The following RALGAPA2 variants were observed in gnomAD, a reference collection of about 807,000 sequenced individuals.
The protein encoded by RALGAPA2 is Ral GTPase activating protein catalytic subunit alpha 2, also known as ral GTPase-activating protein subunit alpha-2.
In RALGAPA2, 139 loss-of-function variants were observed where a neutral mutation model predicts 230.4. The ratio of observed to expected loss-of-function variants is 0.60; its 90% CI spans 0.53 to 0.69. RALGAPA2 has a LOEUF of 0.69. Ranked by LOEUF, RALGAPA2 falls within the 30% of genes least tolerant of loss-of-function variation. The pLI is 0.00. For synonymous variants in RALGAPA2, 847 were observed against 837.8 expected, an observed-to-expected ratio of 1.01 and a Z score of -0.19; for missense variants, 2,163 against 2,276.0, an observed-to-expected ratio of 0.95 and a Z score of 1.01.
At chr20:20,636,539 CGTGTGTGTGTGTGTGTGTATGTGTGT>C (rs1568683049) in intron 8 of RALGAPA2, among the ~76,000 whole-genome samples, 3 of 149,888 alleles carry the variant, frequency 2.0e-5, no homozygotes, top group African/African-American at 4.9e-5. Context: ...CTTCTCTCCC[CGTGTGTGTGTGTGTGTGTATGTGTGT>C]GTGTGTGTGT....
Position 20,635,547 on chromosome 20 carries a change from T to G in RALGAPA2, c.876A>C (p.Thr292=). The change falls in exon 9 of 40, where the codon ACA becomes ACC. Residue 292 remains threonine, a synonymous_variant. Coordinates refer to ENST00000202677, the MANE Select transcript of RALGAPA2 (RefSeq NM_020343.4). Reference sequence around the variant, plus strand: ...CACGAGCTGCCATATATGGAATCTTTGTACTGTAAATGTTCTCATTGTCTC... The same window carrying G: ...CACGAGCTGCCATATATGGAATCTTGGTACTGTAAATGTTCTCATTGTCTC... ...TTRDNENIYS[T]KIPYMAARVV... 6.3e-7 allele frequency: 1 copy of G among 1,593,580 alleles called. No individual in the cohort carries two copies.
At chr20:20,549,652 A>G (rs2063869552) in intron 23 of RALGAPA2, among the ~76,000 whole-genome samples, 1 of 152,196 alleles carries the variant, frequency 6.6e-6, no homozygotes, top group African/African-American at 2.4e-5. Flanking sequence ...TTGTGATAAC[A>G]TTTTAAAATT....
chr20:20,554,310 G>A (rs565441737), intron 23 of RALGAPA2, among the ~76,000 whole-genome samples: 5 of 152,216 alleles, frequency 3.3e-5, no homozygotes, highest in South Asian at 2.1e-4. Flanking sequence ...GTTCATCCAC[G>A]TTGTGGCACA....
At chr20:20,547,750 C>A (rs184984790) in intron 23 of RALGAPA2, among the ~76,000 whole-genome samples, 1 of 152,164 alleles carries the variant, frequency 6.6e-6, no homozygotes, top group Non-Finnish European at 1.5e-5. Context: ...GAAGTACAGT[C>A]GTGTCGCTTT....
At chr20:20,561,780 A>G (rs2064263695) in intron 23 of RALGAPA2, among the ~76,000 whole-genome samples, 1 of 152,164 alleles carries the variant, frequency 6.6e-6, no homozygotes, top group African/African-American at 2.4e-5. Context: ...TTCTTAGGAC[A>G]ATGTCATCTG....
chr20:20,525,784 C>T (rs1021199226), intron 28 of RALGAPA2, among the ~76,000 whole-genome samples: 2 of 152,134 alleles, frequency 1.3e-5, no homozygotes, highest in Non-Finnish European at 2.9e-5. Flanking sequence ...TACCAGTTAC[C>T]CCCACAAAGG....
chr20:20,675,011 A>C (rs563762291), intron 3 of RALGAPA2, among the ~76,000 whole-genome samples: 6 of 152,292 alleles, frequency 3.9e-5, no homozygotes, highest in African/African-American at 1.4e-4. Context: ...TAGATTCTTT[A>C]ACCATTACAT....
intron 18 of RALGAPA2, among the ~76,000 whole-genome samples, chr20:20,586,648 C>T (rs2065142482): frequency 1.3e-5 from 2 of 151,984 alleles, no homozygotes; most frequent in African/African-American, 2.4e-5. Context: ...TTAGAAATTA[C>T]AAGATATGCT....
intron 36 of RALGAPA2, among the ~76,000 whole-genome samples, chr20:20,490,958 C>T (rs147800705): frequency 0.019 from 2,879 of 151,714 alleles, 28 homozygotes; most frequent in Non-Finnish European, 0.029. Flanking sequence ...ACTTCCATGA[C>T]GCTCTGGGGA....
At chr20:20,428,622 G>A (rs1351286345) in intron 37 of RALGAPA2, among the ~76,000 whole-genome samples, 2 of 152,136 alleles carry the variant, frequency 1.3e-5, no homozygotes, top group Admixed American at 6.5e-5. Context: ...CAGGAGGCTG[G>A]ACATGATCCC....
chr20:20,612,838 C>A (rs923650364), intron 13 of RALGAPA2, among the ~76,000 whole-genome samples: 1 of 152,152 alleles, frequency 6.6e-6, no homozygotes, highest in Non-Finnish European at 1.5e-5. Context: ...AAGGGCAGCA[C>A]CTAGTATCAC....
chr20:20,458,412 TTATA>T (rs2123236016), intron 37 of RALGAPA2, among the ~76,000 whole-genome samples: 1 of 143,506 alleles, frequency 7.0e-6, no homozygotes, highest in South Asian at 2.1e-4. Flanking sequence ...ATAATATATG[TTATA>T]TATAATATAT....
chr20:20,633,712 T>G (rs2066764301), intron 9 of RALGAPA2, among the ~76,000 whole-genome samples: 1 of 150,984 alleles, frequency 6.6e-6, no homozygotes, highest in South Asian at 2.1e-4. Flanking sequence ...TCTCCTGACC[T>G]CATGATCTGC....
chr20:20,483,236 A>G (rs1389120734), intron 36 of RALGAPA2, among the ~76,000 whole-genome samples: 1 of 152,240 alleles, frequency 6.6e-6, no homozygotes. Context: ...AGAATGATGG[A>G]AAGAAAGGGC....
intron 13 of RALGAPA2, 78 bp from the exon 14 acceptor site, chr20:20,611,504 C>A: frequency 6.6e-7 from 1 of 1,512,942 alleles, no homozygotes; most frequent in Non-Finnish European, 8.9e-7. Flanking sequence ...CAGAAATTCT[C>A]TTAAGAATTC....
chr20:20,683,878 G>A (rs979259502), intron 1 of RALGAPA2, among the ~76,000 whole-genome samples: 8 of 152,198 alleles, frequency 5.3e-5, no homozygotes, highest in South Asian at 2.1e-4. Flanking sequence ...TAATGACTAC[G>A]CCTCTATAAT....
At chr20:20,672,324 G>A (rs941535125) in intron 3 of RALGAPA2, among the ~76,000 whole-genome samples, 7 of 152,256 alleles carry the variant, frequency 4.6e-5, no homozygotes, top group African/African-American at 7.2e-5. Flanking sequence ...TGAATGAGAG[G>A]CAGCTGAAAT....
At chr20:20,472,749 T>A (rs1180242972) in intron 37 of RALGAPA2, 80 bp downstream of exon 37, 2 of 1,493,474 alleles carry the variant, frequency 1.3e-6, no homozygotes, top group Admixed American at 2.4e-5. Context: ...CAGTTTTGAA[T>A]ACTTACCTCT....
intron 37 of RALGAPA2, among the ~76,000 whole-genome samples, chr20:20,465,199 T>A (rs146880364): frequency 0.17 from 4,857 of 29,150 alleles, 99 homozygotes; most frequent in Non-Finnish European, 0.24. Context: ...ACACACACAC[T>A]CTCTCATACT....
Sources: allele counts gnomAD v4.1 joint callset (sites outside exome capture counted in the v4.1 genomes callset), GRCh38; gene constraint gnomAD v4.1.1; transcripts MANE v1.5; gene names NCBI Gene and HGNC (gene_info 2026-07-23, HGNC 2026-07-21).